The following COX7B2 variants were observed in gnomAD, a reference collection of about 807,000 sequenced individuals.
COX7B2 encodes the protein cytochrome c oxidase subunit 7B2, also known as cytochrome c oxidase subunit 7B2, mitochondrial.
For synonymous variants in COX7B2, 37 were observed against 32.1 expected, an observed-to-expected ratio of 1.15 and a Z score of -0.51; for missense variants, 109 against 95.9, an observed-to-expected ratio of 1.14 and a Z score of -0.57.
intron 2 of COX7B2, among the ~76,000 whole-genome samples, chr4:46,805,483 A>T (rs1286008071): frequency 6.6e-6 from 1 of 152,236 alleles, no homozygotes; most frequent in Non-Finnish European, 1.5e-5. Flanking sequence ...TATCTGTGTT[A>T]CAATCCTGCA....
intron 2 of COX7B2, among the ~76,000 whole-genome samples, chr4:46,773,722 A>G (rs530151070): frequency 1.3e-5 from 2 of 152,168 alleles, no homozygotes; most frequent in Non-Finnish European, 2.9e-5. Context: ...TTTTTTAGAA[A>G]GAAGCTGAGC....
At chr4:46,744,738 ATTTTT>A (rs773481406) in intron 2 of COX7B2, among the ~76,000 whole-genome samples, 1 of 124,662 alleles carries the variant, frequency 8.0e-6, no homozygotes, top group Admixed American at 9.6e-5. Context: ...AGATATTTTA[ATTTTT>A]TTTTTTTTTT....
At chr4:46,854,644 C>A (rs1021054165) in intron 1 of COX7B2, among the ~76,000 whole-genome samples, 1 of 151,934 alleles carries the variant, frequency 6.6e-6, no homozygotes, top group Non-Finnish European at 1.5e-5. Context: ...GAATAAATGG[C>A]AATAGTATCA....
At chr4:46,780,378 G>T (rs574344500) in intron 2 of COX7B2, among the ~76,000 whole-genome samples, 1 of 152,098 alleles carries the variant, frequency 6.6e-6, no homozygotes, top group African/African-American at 2.4e-5. Context: ...TTAGCAGGGC[G>T]TGATGATGGG....
In COX7B2 at chr4:46,775,023, T is replaced by C. The variant is rs141261067; in HGVS notation, c.-49-39782A>G. On this transcript the variant is annotated intron_variant, in intron 2 of 2. Coordinates refer to ENST00000355591, the MANE Select transcript of COX7B2 (RefSeq NM_130902.3). ...TGTTTCCATATCTATGAAATAAAAT[T>C]AGGTTTCTGTGGATTTTCTGTGGTC... is the stretch of plus-strand genomic sequence containing the variant. Among the ~76,000 whole-genome samples, 29 of 152,202 alleles carry C rather than the reference T, an allele frequency of 1.9e-4. No homozygotes were observed. The East Asian group carries it at 5.4e-3, about 28-fold the overall frequency.
At chr4:46,756,332 CATAAGACCTAAAA>C (rs1334813678) in intron 2 of COX7B2, among the ~76,000 whole-genome samples, 1 of 151,840 alleles carries the variant, frequency 6.6e-6, no homozygotes, top group African/African-American at 2.4e-5. Flanking sequence ...AAGACCTAAA[CATAAGACCTAAAA>C]GTATAAAAAT....
intron 2 of COX7B2, among the ~76,000 whole-genome samples, chr4:46,770,318 A>G (rs541553498): frequency 5.9e-5 from 9 of 152,278 alleles, no homozygotes; most frequent in African/African-American, 2.2e-4. Flanking sequence ...ATTGTAAACT[A>G]TGAAATATTG....
At position 46,734,916 on chromosome 4, in the gene COX7B2, A is replaced by AGC; in HGVS notation, c.*30_*31insGC. The AGC allele has an allele frequency of 6.2e-7, 1 of 1,613,486 alleles. No homozygotes were observed. Among genetic ancestry groups the AGC allele is most frequent in the Non-Finnish European group, 8.5e-7 (1 of 1,179,734 alleles). Reference sequence around the variant, plus strand: ...GCTTACATGACAAGTTGGTTTTTTAAACAATTCTGTCATTACAGCAACTGT... The same window carrying AGC: ...GCTTACATGACAAGTTGGTTTTTTAAGCACAATTCTGTCATTACAGCAACTGT... On this transcript the variant is annotated 3_prime_UTR_variant, in exon 3 of 3. Transcript: ENST00000355591.
intron 2 of COX7B2, among the ~76,000 whole-genome samples, chr4:46,747,692 G>T (rs1289999828): frequency 6.6e-6 from 1 of 152,046 alleles, no homozygotes; most frequent in Non-Finnish European, 1.5e-5. Flanking sequence ...ACCTTCAAGT[G>T]CAACCATATA....
At chr4:46,882,174 T>G (rs1393039259) in intron 1 of COX7B2, among the ~76,000 whole-genome samples, 2 of 152,192 alleles carry the variant, frequency 1.3e-5, no homozygotes, top group African/African-American at 4.8e-5. Flanking sequence ...TGGTATGGTT[T>G]GGTTCTTTTA....
intron 2 of COX7B2, among the ~76,000 whole-genome samples, chr4:46,843,541 A>G (rs1169545809): frequency 1.3e-5 from 2 of 152,010 alleles, no homozygotes; most frequent in African/African-American, 4.8e-5. Context: ...TGTTTTTAAA[A>G]ACATTCTTTC....
intron 2 of COX7B2, among the ~76,000 whole-genome samples, chr4:46,736,618 T>C (rs761622870): frequency 2.0e-5 from 3 of 152,198 alleles, no homozygotes; most frequent in Non-Finnish European, 4.4e-5. Context: ...CCTATTCATC[T>C]TTCTGTTTTG....
chr4:46,835,615 A>G (rs890024324), intron 2 of COX7B2, among the ~76,000 whole-genome samples: 5 of 152,196 alleles, frequency 3.3e-5, no homozygotes, highest in African/African-American at 1.2e-4. Flanking sequence ...AGAACAGCCA[A>G]CTATCAACCT....
chr4:46,813,226 A>G (rs1367846168), intron 2 of COX7B2, among the ~76,000 whole-genome samples: 1 of 152,214 alleles, frequency 6.6e-6, no homozygotes, highest in African/African-American at 2.4e-5. Flanking sequence ...ACATCTATTT[A>G]CCAAATTTTC....
At chr4:46,775,812 TAAAG>T (rs1393766114) in intron 2 of COX7B2, among the ~76,000 whole-genome samples, 4 of 152,132 alleles carry the variant, frequency 2.6e-5, no homozygotes, top group Non-Finnish European at 5.9e-5. Context: ...TCGTATCGTA[TAAAG>T]AAAGAGACTT....
intron 2 of COX7B2, among the ~76,000 whole-genome samples, chr4:46,789,228 C>G (rs1175813366): frequency 6.6e-6 from 1 of 152,110 alleles, no homozygotes; most frequent in Non-Finnish European, 1.5e-5. Context: ...CCAGTTGCTT[C>G]TCCTTTGACT....
At chr4:46,889,991 A>G (rs1294910388) in intron 1 of COX7B2, among the ~76,000 whole-genome samples, 1 of 151,980 alleles carries the variant, frequency 6.6e-6, no homozygotes, top group Admixed American at 6.6e-5. Context: ...AAAAAGAAAT[A>G]TATGCCAGCA....
intron 2 of COX7B2, among the ~76,000 whole-genome samples, chr4:46,762,101 C>CGGTGTT (rs1560361806): frequency 1.4e-5 from 2 of 143,562 alleles, no homozygotes; most frequent in Non-Finnish European, 3.1e-5. Context: ...AAGATAATAA[C>CGGTGTT]ACCTATTGTA....
chr4:46,821,225 A>G (rs1714258754), intron 2 of COX7B2, among the ~76,000 whole-genome samples: 1 of 152,236 alleles, frequency 6.6e-6, no homozygotes, highest in Non-Finnish European at 1.5e-5. Flanking sequence ...GAGACACTTG[A>G]AAGACGCACC....
Sources: gnomAD v4.1 joint callset for allele counts (sites outside exome capture counted in the v4.1 genomes callset) on GRCh38, gnomAD v4.1.1 for gene constraint, MANE v1.5 for transcripts, NCBI Gene and HGNC (gene_info 2026-07-23, HGNC 2026-07-21) for gene names.